NIBAN1: variants seen among roughly 807,000 people sequenced by gnomAD.
NIBAN1 encodes protein Niban 1.
NIBAN1 carries 81 observed loss-of-function variants against 75.1 expected under a neutral mutation model. The observed-to-expected ratio is 1.08, with a 90% CI of 0.90 to 1.30. The LOEUF (loss-of-function observed/expected upper bound fraction) is 1.30. Among genes scored for constraint, NIBAN1 ranks in the 50% most tolerant of loss-of-function variants. The pLI is 0.00. For synonymous variants in NIBAN1, 436 were observed against 424.8 expected, an observed-to-expected ratio of 1.03 and a Z score of -0.32; for missense variants, 1,133 against 1,128.1, an observed-to-expected ratio of 1.00 and a Z score of -0.06.
In NIBAN1 at chr1:184,815,012, G is replaced by A. The variant is rs1256636821; in HGVS notation, c.1173+3626C>T. ...TCCAAATTGAATATATTGATATGGT[G>A]ACTTATAAATTGTGGAAACAGTTTA... On this transcript the variant is annotated intron_variant, in intron 9 of 13. Coordinates refer to ENST00000367511, the MANE Select transcript of NIBAN1 (RefSeq NM_052966.4). Among the ~76,000 whole-genome samples the A allele has an allele frequency of 2.6e-5, 4 of 152,256 alleles. No individual in the cohort carries two copies. The East Asian group carries it at 5.8e-4, about 22-fold the overall frequency.
At chr1:184,896,464 T>G (rs1557904720) in intron 2 of NIBAN1, among the ~76,000 whole-genome samples, 1 of 152,154 alleles carries the variant, frequency 6.6e-6, no homozygotes, top group Non-Finnish European at 1.5e-5. Flanking sequence ...AGGGGCATAA[T>G]TTGCAAATAT....
chr1:184,836,179 G>T (rs934745747), intron 5 of NIBAN1, among the ~76,000 whole-genome samples: 1 of 152,138 alleles, frequency 6.6e-6, no homozygotes, highest in East Asian at 1.9e-4. Context: ...TTGTGATATG[G>T]GGCTTAGTAC....
At chr1:184,844,731 T>G (rs1011109060) in intron 5 of NIBAN1, among the ~76,000 whole-genome samples, 13 of 152,202 alleles carry the variant, frequency 8.5e-5, no homozygotes, top group Non-Finnish European at 1.5e-5. Flanking sequence ...TCTAGGACAA[T>G]ACATCCCAGC....
At chr1:184,824,513 G>A (rs78232826) in intron 6 of NIBAN1, among the ~76,000 whole-genome samples, 8,413 of 152,126 alleles carry the variant, frequency 0.055, 278 homozygotes, top group Middle Eastern at 0.088. Context: ...AGGAAGAGAA[G>A]GTACGCAGAA....
chr1:184,891,846 A>G (rs1656674915), intron 3 of NIBAN1, among the ~76,000 whole-genome samples: 1 of 152,240 alleles, frequency 6.6e-6, no homozygotes, highest in Non-Finnish European at 1.5e-5. Flanking sequence ...AAAAAAGAAG[A>G]TATTATTAAA....
Position 184,885,457 on chromosome 1 carries a change from G to A in NIBAN1, c.434-657C>T, listed in dbSNP as rs566265395. 5.9e-5 allele frequency among the ~76,000 whole-genome samples: 9 copies of A among 152,214 alleles called. No individual in the cohort carries two copies. In the East Asian group the frequency reaches 7.7e-4, roughly 13 times the overall value. On this transcript the variant is annotated intron_variant, in intron 4 of 13. Coordinates refer to ENST00000367511, the MANE Select transcript of NIBAN1 (RefSeq NM_052966.4). ...CCCAAAGTGCTGGGATTACAGGCAT[G>A]AGCCACCGCGCCCAGCCTGGGCACA...
chr1:184,916,303 G>C (rs116669567), intron 1 of NIBAN1, among the ~76,000 whole-genome samples: 3,178 of 152,244 alleles, frequency 0.021, 106 homozygotes, highest in African/African-American at 0.072. Flanking sequence ...GAAAAAGAAA[G>C]TTGTAATAGG....
At chr1:184,867,377 G>A (rs1465997163) in intron 5 of NIBAN1, among the ~76,000 whole-genome samples, 2 of 152,116 alleles carry the variant, frequency 1.3e-5, no homozygotes, top group Non-Finnish European at 2.9e-5. Flanking sequence ...AACCACCTAT[G>A]TTCTTAGCAA....
At chr1:184,950,173 G>T (rs560420348) in intron 1 of NIBAN1, among the ~76,000 whole-genome samples, 1 of 152,130 alleles carries the variant, frequency 6.6e-6, no homozygotes, top group African/African-American at 2.4e-5. Context: ...GTGCAGAGGA[G>T]TCTGTTAATT....
intron 1 of NIBAN1, among the ~76,000 whole-genome samples, chr1:184,923,334 A>G (rs1657607183): frequency 6.6e-6 from 1 of 152,116 alleles, no homozygotes; most frequent in Non-Finnish European, 1.5e-5. Flanking sequence ...CCCTTCTCCA[A>G]AGTATGCTCT....
chr1:184,903,159 C>T (rs944630008), intron 1 of NIBAN1, among the ~76,000 whole-genome samples: 2 of 152,188 alleles, frequency 1.3e-5, no homozygotes, highest in Non-Finnish European at 2.9e-5. Context: ...AGGTCTTATA[C>T]TGAAAGGAGA....
At chr1:184,841,207 A>T (rs1376050002) in intron 5 of NIBAN1, among the ~76,000 whole-genome samples, 4 of 152,178 alleles carry the variant, frequency 2.6e-5, no homozygotes, top group Non-Finnish European at 5.9e-5. Context: ...GATACATAGT[A>T]GGCATGAATA....
At chr1:184,818,943 C>G in intron 8 of NIBAN1, 118 bp from the exon 9 acceptor site, 1 of 1,144,108 alleles carries the variant, frequency 8.7e-7, no homozygotes, top group Non-Finnish European at 1.2e-6. Context: ...AAGGCAAGCT[C>G]AAGAGGCCAT....
chr1:184,869,016 G>C (rs1303444749), intron 5 of NIBAN1, among the ~76,000 whole-genome samples: 3 of 152,144 alleles, frequency 2.0e-5, no homozygotes, highest in Non-Finnish European at 4.4e-5. Context: ...CCCCAGGCCA[G>C]TAGTATCAGC....
At position 184,913,546 on chromosome 1, in the gene NIBAN1, G is replaced by A. The variant is rs1233453516; in HGVS notation, c.56-14237C>T. On this transcript the variant is annotated intron_variant, in intron 1 of 13. Coordinates refer to ENST00000367511, the MANE Select transcript of NIBAN1 (RefSeq NM_052966.4). ...ATGTTTATTGTATAGTCTCATAAAA[G>A]ACAAGTTGTAAATGGCAGTTACATA... Among the ~76,000 whole-genome samples, 4 of 152,272 alleles carry A rather than the reference G, an allele frequency of 2.6e-5. No homozygotes were observed. In the East Asian group the frequency reaches 7.7e-4, roughly 29 times the overall value.
intron 1 of NIBAN1, among the ~76,000 whole-genome samples, chr1:184,937,160 T>TG (rs1464678735): frequency 6.7e-6 from 1 of 148,702 alleles, no homozygotes; most frequent in Non-Finnish European, 1.5e-5. Context: ...TTTTTTTTTT[T>TG]TTTTTTTTGA....
rs749552012 is a variant in NIBAN1, at chr1:184,803,622, G to A, written c.1517C>T (p.Pro506Leu). 1.9e-6 allele frequency: 3 copies of A among 1,614,180 alleles called. No homozygotes were observed. Among genetic ancestry groups the A allele is most frequent in the Non-Finnish European group, 1.7e-6 (2 of 1,180,026 alleles). The change falls in exon 12 of 14, where the codon CCC becomes CTC. Residue 506 changes from proline (P) to leucine (L), a missense_variant. By Grantham distance (98) the Pro-to-Leu change is moderately conservative (BLOSUM62 -3). Coordinates refer to ENST00000367511, the MANE Select transcript of NIBAN1 (RefSeq NM_052966.4). ...FQEALVQITL[P>L]TVQKALASTC... ...GGACGCCAGTGCCTTCTGCACAGTG[G>A]GAAGTGTGATTTGAACTAGTGCCTC...
intron 1 of NIBAN1, among the ~76,000 whole-genome samples, chr1:184,917,432 T>C (rs1221741877): frequency 6.7e-6 from 1 of 149,262 alleles, no homozygotes; most frequent in Non-Finnish European, 1.5e-5. Context: ...CAGGAAGGTC[T>C]TGATCTGACC....
intron 5 of NIBAN1, among the ~76,000 whole-genome samples, chr1:184,834,628 T>C (rs1019527449): frequency 6.6e-6 from 1 of 152,256 alleles, no homozygotes; most frequent in African/African-American, 2.4e-5. Flanking sequence ...CATTTTTTCA[T>C]GTGTCTGTTG....
Sources: allele counts gnomAD v4.1 joint callset (sites outside exome capture counted in the v4.1 genomes callset), GRCh38; gene constraint gnomAD v4.1.1; transcripts MANE v1.5; gene names NCBI Gene and HGNC (gene_info 2026-07-23, HGNC 2026-07-21).